VPS45: variants seen among roughly 807,000 people sequenced by gnomAD.
VPS45 encodes vacuolar protein sorting-associated protein 45.
Under a neutral mutation model 75.9 loss-of-function variants are expected in VPS45, and 35 were observed. The ratio of observed to expected loss-of-function variants is 0.46; its 90% CI spans 0.35 to 0.61. The LOEUF (loss-of-function observed/expected upper bound fraction) is 0.61. VPS45 is among the 20% of genes least tolerant of loss of function. VPS45 has a pLI of 0.00. For synonymous variants in VPS45, 220 were observed against 238.2 expected (o/e 0.92, Z 0.70); for missense variants, 559 against 685.9 (o/e 0.81, Z 2.07).
chr1:150,099,832 CAAAAAAA>C (rs1241681093), intron 13 of VPS45, among the ~76,000 whole-genome samples: 8 of 108,522 alleles, frequency 7.4e-5, no homozygotes, highest in African/African-American at 2.9e-4. Context: ...GACTCCGTCT[CAAAAAAA>C]AAAAAAAAAA....
At position 150,110,619 on chromosome 1, in the gene VPS45, C is replaced by T; in HGVS notation, c.1617C>T (p.Asn539=). Residue 539 remains asparagine, a synonymous_variant, in exon 14 of 15, where the codon AAC becomes AAT. Transcript: ENST00000644510. The part of the protein sequence containing the change: ...RIVLGGTTVH[N]TKSFLEEVLA... ...TCCTGGGAGGCACCACAGTGCACAA[C>T]ACGAAAAGGTAAAAGAGAACATTCA... The T allele has an allele frequency of 1.2e-6, 2 of 1,609,082 alleles. No individual in the cohort carries two copies. Among genetic ancestry groups the T allele is most frequent in the Non-Finnish European group, 1.7e-6 (2 of 1,177,388 alleles).
At chr1:150,076,612 ATC>A (rs1655399794) in intron 4 of VPS45, 4 of 490,642 alleles carry the variant, frequency 8.2e-6, no homozygotes, top group African/African-American at 3.9e-5. Context: ...AGAACATTGT[ATC>A]TCCTATTAGC....
At chr1:150,068,048 C>A (rs1654824380) in intron 1 of VPS45, 98 bp downstream of exon 1, 2 of 1,256,256 alleles carry the variant, frequency 1.6e-6, no homozygotes, top group Admixed American at 2.2e-5. Flanking sequence ...ATTAAACATA[C>A]GAAAATGAGG....
At position 150,130,856 on chromosome 1, in the gene VPS45, A is replaced by G. The variant is rs186388639; in HGVS notation, c.1626-13853A>G. The stretch of plus-strand genomic sequence containing the variant: ...ATACTATGTGCCAGGCAGTTGGTTG[A>G]CTTCATTACATATATTATCTCATTT... On this transcript the variant is annotated intron_variant, in intron 14 of 14. Transcript: ENST00000644510. 8.5e-5 allele frequency among the ~76,000 whole-genome samples: 13 copies of G among 152,350 alleles called. No homozygotes were observed. The East Asian group carries it at 2.5e-3, about 29-fold the overall frequency.
At chr1:150,141,141 T>A (rs1340200456) in intron 14 of VPS45, among the ~76,000 whole-genome samples, 1 of 152,236 alleles carries the variant, frequency 6.6e-6, no homozygotes, top group Non-Finnish European at 1.5e-5. Context: ...TACTCCTAAC[T>A]TCTCCAAGTA....
rs1656468353 is a variant in VPS45, at chr1:150,093,685, A to G, written c.1493+37A>G. The G allele has an allele frequency of 2.5e-6, 4 of 1,592,132 alleles. No homozygotes were observed. The East Asian group carries it at 9.0e-5, about 36-fold the overall frequency. ...AAGATATTAATAATAAAAGCCAGAA[A>G]TACTGAACAAACAGAAAATTTAGAG... On this transcript the variant is annotated intron_variant, in intron 13 of 14. Transcript: ENST00000644510.
At chr1:150,078,026 AT>A (rs1655494346) in intron 7 of VPS45, among the ~76,000 whole-genome samples, 1 of 152,102 alleles carries the variant, frequency 6.6e-6, no homozygotes, top group South Asian at 2.1e-4. Flanking sequence ...CAGCTTCTTA[AT>A]TCTGTAGATT....
At chr1:150,141,558 G>A (rs1553815279) in intron 14 of VPS45, among the ~76,000 whole-genome samples, 1 of 152,200 alleles carries the variant, frequency 6.6e-6, no homozygotes, top group Admixed American at 6.5e-5. Context: ...TTTTCAGTGT[G>A]TGACTCAAGA....
At chr1:150,092,615 T>G in intron 12 of VPS45, 2 of 340,446 alleles carry the variant, frequency 5.9e-6, no homozygotes, top group Non-Finnish European at 1.1e-5. Context: ...TTGGACCAAA[T>G]AGCTTAGCAG....
chr1:150,097,182 G>T (rs1196380264), intron 13 of VPS45, among the ~76,000 whole-genome samples: 10 of 151,086 alleles, frequency 6.6e-5, no homozygotes, highest in African/African-American at 1.2e-4. Context: ...CCGCCTCCTG[G>T]GTTCAAGATT....
At chr1:150,079,459 G>C (rs1013575719) in intron 7 of VPS45, among the ~76,000 whole-genome samples, 3 of 152,098 alleles carry the variant, frequency 2.0e-5, no homozygotes, top group African/African-American at 7.2e-5. Flanking sequence ...CACCCAGATT[G>C]GCGTGATCTC....
chr1:150,100,120 AAAC>A (rs1656898893), intron 13 of VPS45, among the ~76,000 whole-genome samples: 1 of 152,236 alleles, frequency 6.6e-6, no homozygotes, highest in Non-Finnish European at 1.5e-5. Flanking sequence ...TTCAGCTGAT[AAAC>A]AACTTCAGCA....
rs1478973954 is a variant in VPS45 at position 150,068,647 on chromosome 1, G to A, written c.111G>A (p.Met37Ile). Residue 37 changes from methionine (M) to isoleucine (I), a missense_variant, in exon 2 of 15, where the codon ATG becomes ATA. Transcript: ENST00000644510. ...TTTTACAGACTGGCATAGTGAGTAT[G>A]GTATACACACAATCGGAGATTCTAC... ...MDKETTGIVS[M>I]VYTQSEILQK... is the part of the protein sequence containing the mutation. The A allele has an allele frequency of 6.2e-7, 1 of 1,604,464 alleles. No individual in the cohort carries two copies. Among genetic ancestry groups the A allele is most frequent in the Non-Finnish European group, 8.5e-7 (1 of 1,175,442 alleles).
chr1:150,092,837 CTTTTTTTTTTTTT>C (rs11451750), intron 12 of VPS45, among the ~76,000 whole-genome samples: 3 of 94,452 alleles, frequency 3.2e-5, no homozygotes, highest in African/African-American at 1.3e-4. Flanking sequence ...GCTAGCCTTT[CTTTTTTTTTTTTT>C]TTTTTTTTTG....
At chr1:150,120,364 C>A (rs1207337716) in intron 14 of VPS45, among the ~76,000 whole-genome samples, 2 of 152,110 alleles carry the variant, frequency 1.3e-5, no homozygotes. Context: ...GAAACAAAAT[C>A]TTAGTTGTAA....
In VPS45 at chr1:150,092,463, G is replaced by A. The variant is rs1371448287; in HGVS notation, c.1371+54G>A. On this transcript the variant is annotated intron_variant, in intron 12 of 14. Coordinates refer to ENST00000644510, the MANE Select transcript of VPS45 (RefSeq NM_007259.5). ...AGTGAGAACAGTTGAAGTCCTTGAG[G>A]CTGAGAGTGAATGAATATGATCTTC... The A allele has an allele frequency of 7.8e-6, 11 of 1,419,156 alleles. No individual in the cohort carries two copies. In the Admixed American group the frequency reaches 1.1e-4, roughly 14 times the overall value. 87.9% of individuals were successfully genotyped at this position (1,419,156 alleles called of 1,614,324 possible).
intron 13 of VPS45, among the ~76,000 whole-genome samples, chr1:150,094,471 T>C (rs1473547342): frequency 6.6e-6 from 1 of 152,208 alleles, no homozygotes; most frequent in East Asian, 1.9e-4. Context: ...ACATAGGTGA[T>C]TCTTTTATGT....
chr1:150,070,472 T>C (rs1553796831), intron 2 of VPS45, among the ~76,000 whole-genome samples: 2 of 152,160 alleles, frequency 1.3e-5, no homozygotes, highest in African/African-American at 4.8e-5. Context: ...TTCACTGTTA[T>C]GTACTGTCTC....
chr1:150,089,851 C>G (rs1035752830), intron 10 of VPS45, among the ~76,000 whole-genome samples: 8 of 152,108 alleles, frequency 5.3e-5, no homozygotes, highest in Non-Finnish European at 8.8e-5. Flanking sequence ...AAAAATCTTA[C>G]GAATTTGGGA....
Sources: allele counts gnomAD v4.1 joint callset (sites outside exome capture counted in the v4.1 genomes callset), GRCh38; gene constraint gnomAD v4.1.1; transcripts MANE v1.5; gene names NCBI Gene and HGNC (gene_info 2026-07-23, HGNC 2026-07-21).